Variants in ADGRL4 observed in about 807,000 individuals in gnomAD.
ADGRL4 encodes adhesion G protein-coupled receptor L4.
In ADGRL4, 90 loss-of-function variants were observed where a neutral mutation model predicts 74.8. The ratio of observed to expected loss-of-function variants is 1.20; its 90% CI spans 1.02 to 1.43. The LOEUF is 1.43. Among genes scored for constraint, ADGRL4 ranks in the 40% most tolerant of loss-of-function variants. The pLI is 0.00. For missense variants in ADGRL4, 881 were observed against 814.3 expected (o/e 1.08, Z -1.00); for synonymous variants, 311 against 279.2 (o/e 1.11, Z -1.14).
At chr1:78,951,919 G>T (rs930692699) in intron 2 of ADGRL4, among the ~76,000 whole-genome samples, 2 of 152,106 alleles carry the variant, frequency 1.3e-5, no homozygotes, top group East Asian at 3.8e-4. Flanking sequence ...GAGTCCCCTA[G>T]TAATGAAACA....
intron 9 of ADGRL4, among the ~76,000 whole-genome samples, chr1:78,921,400 C>T (rs1048526584): frequency 1.1e-4 from 17 of 147,914 alleles, no homozygotes; most frequent in African/African-American, 4.2e-4. Flanking sequence ...AAGTCTTAGA[C>T]TAGAAATAAT....
At chr1:78,926,319 G>T (rs1159938521) in intron 8 of ADGRL4, among the ~76,000 whole-genome samples, 5 of 152,004 alleles carry the variant, frequency 3.3e-5, no homozygotes, top group African/African-American at 7.2e-5. Context: ...AACTAAAATA[G>T]CTAAATAGTT....
chr1:78,915,454 G>C (rs1648851126), intron 12 of ADGRL4, among the ~76,000 whole-genome samples: 1 of 151,842 alleles, frequency 6.6e-6, no homozygotes, highest in South Asian at 2.1e-4. Context: ...ACTTTTTTGA[G>C]TGTTCCTCCA....
intron 2 of ADGRL4, among the ~76,000 whole-genome samples, chr1:78,967,977 A>G (rs559292548): frequency 6.6e-6 from 1 of 152,212 alleles, no homozygotes; most frequent in East Asian, 1.9e-4. Flanking sequence ...CTGAGGCTCC[A>G]GAGGGTGCTT....
chr1:78,998,088 A>G (rs1298876140), intron 2 of ADGRL4, among the ~76,000 whole-genome samples: 3 of 152,038 alleles, frequency 2.0e-5, no homozygotes, highest in Non-Finnish European at 4.4e-5. Flanking sequence ...ATTTCTCTCC[A>G]CTTCTGGGAA....
chr1:78,954,952 TA>T (rs1311361513), intron 2 of ADGRL4, among the ~76,000 whole-genome samples: 1 of 152,046 alleles, frequency 6.6e-6, no homozygotes, highest in East Asian at 1.9e-4. Context: ...ATTCATCAGA[TA>T]GGGGAAAAGT....
Position 78,920,361 on chromosome 1 carries a change from G to C in ADGRL4, c.1283C>G (p.Thr428Arg). ...SIGIKDYNIL[T>R]RITQLGIIIS... ...AATTATTCCTAGTTGAGTGATCCTT[G>C]TAAGAATATTATAATCTTTAATACC... The change falls in exon 10 of 15, where the codon ACA (threonine) becomes AGA (arginine). Residue 428 changes from threonine (T) to arginine (R), a missense_variant. By Grantham distance (71) the Thr-to-Arg change is moderately conservative (BLOSUM62 -1). Coordinates refer to ENST00000370742, the MANE Select transcript of ADGRL4 (RefSeq NM_022159.4). The C allele has an allele frequency of 6.3e-7, 1 of 1,595,118 alleles. No homozygotes were observed. Among genetic ancestry groups the C allele is most frequent in the Non-Finnish European group, 8.6e-7 (1 of 1,164,768 alleles).
intron 2 of ADGRL4, among the ~76,000 whole-genome samples, chr1:78,951,078 C>T (rs1391801843): frequency 6.6e-6 from 1 of 152,168 alleles, no homozygotes; most frequent in Non-Finnish European, 1.5e-5. Context: ...TGGCATTTCT[C>T]AGCTCCTGAG....
At chr1:78,943,964 A>G (rs927221311) in intron 3 of ADGRL4, among the ~76,000 whole-genome samples, 1 of 152,134 alleles carries the variant, frequency 6.6e-6, no homozygotes, top group Non-Finnish European at 1.5e-5. Context: ...ATTAGCACAA[A>G]CTCAGGCCCA....
chr1:78,983,473 A>T (rs1017949582), intron 2 of ADGRL4, among the ~76,000 whole-genome samples: 3 of 151,226 alleles, frequency 2.0e-5, no homozygotes, highest in African/African-American at 7.3e-5. Context: ...AAAAGCAATT[A>T]ATGTAGCGAA....
chr1:78,907,876 G>A (rs971744847), intron 12 of ADGRL4, among the ~76,000 whole-genome samples: 3 of 151,782 alleles, frequency 2.0e-5, no homozygotes, highest in African/African-American at 7.3e-5. Flanking sequence ...GTATCCACAC[G>A]TCCCCGTTTG....
chr1:78,956,290 T>C (rs1382329880), intron 2 of ADGRL4, among the ~76,000 whole-genome samples: 2 of 152,188 alleles, frequency 1.3e-5, no homozygotes, highest in Non-Finnish European at 1.5e-5. Context: ...AGCTGTCGGA[T>C]ACATGTCCCA....
chr1:78,941,057 A>G (rs1649465023), intron 3 of ADGRL4, among the ~76,000 whole-genome samples: 2 of 152,228 alleles, frequency 1.3e-5, no homozygotes, highest in Non-Finnish European at 2.9e-5. Context: ...TGAGCACACC[A>G]CTTCCAAAGA....
chr1:78,938,392 T>A, intron 4 of ADGRL4, 113 bp from the exon 5 acceptor site: 1 of 713,130 alleles, frequency 1.4e-6, no homozygotes. Context: ...GGTCTACACA[T>A]AAATAATATC....
At chr1:78,931,029 T>C (rs1266125127) in intron 7 of ADGRL4, among the ~76,000 whole-genome samples, 2 of 151,080 alleles carry the variant, frequency 1.3e-5, no homozygotes, top group Non-Finnish European at 2.9e-5. Context: ...AGAAACTTAC[T>C]TTATCTCCTA....
At chr1:78,894,794 G>T (rs150503440) in intron 12 of ADGRL4, among the ~76,000 whole-genome samples, 10 of 151,966 alleles carry the variant, frequency 6.6e-5, no homozygotes, top group African/African-American at 2.4e-4. Context: ...AACAAAGAAA[G>T]ACTTAGAAGA....
intron 2 of ADGRL4, among the ~76,000 whole-genome samples, chr1:78,954,941 A>T (rs141267168): frequency 2.7e-4 from 41 of 152,228 alleles, no homozygotes; most frequent in African/African-American, 9.4e-4. Flanking sequence ...TAATTAATAA[A>T]ATTCATCAGA....
chr1:78,904,486 G>A (rs1381852893), intron 12 of ADGRL4, among the ~76,000 whole-genome samples: 1 of 151,660 alleles, frequency 6.6e-6, no homozygotes, highest in African/African-American at 2.4e-5. Context: ...TTTATATACT[G>A]TATAAGATAA....
At position 78,976,099 on chromosome 1, in the gene ADGRL4, T is replaced by G. The variant is rs943846344; in HGVS notation, c.172+28971A>C. ...ATAGAGACTGATGGATTCCCTGTGC[T>G]AAGTAAATGGAGTTAACAGTCCCAG... On this transcript the variant is annotated intron_variant, in intron 2 of 14. Coordinates refer to ENST00000370742, the MANE Select transcript of ADGRL4 (RefSeq NM_022159.4). Among the ~76,000 whole-genome samples, 18 of 151,976 alleles carry G rather than the reference T, an allele frequency of 1.2e-4. 1 individual carries two copies. Among genetic ancestry groups the G allele is most frequent in the African/African-American group, 3.6e-4 (15 of 41,424 alleles).
Sources: gnomAD v4.1 joint callset for allele counts (sites outside exome capture counted in the v4.1 genomes callset) on GRCh38, gnomAD v4.1.1 for gene constraint, MANE v1.5 for transcripts, NCBI Gene and HGNC (gene_info 2026-07-23, HGNC 2026-07-21) for gene names.